The following MAGI1 variants were observed in gnomAD, a reference collection of about 807,000 sequenced individuals.
The protein encoded by MAGI1 is membrane associated guanylate kinase, WW and PDZ domain containing 1, also known as membrane-associated guanylate kinase, WW and PDZ domain-containing protein 1.
Under a neutral mutation model 139.9 loss-of-function variants are expected in MAGI1, and 58 were observed. The ratio of observed to expected loss-of-function variants is 0.41; its 90% CI spans 0.34 to 0.52. The LOEUF is 0.52. Among genes scored for constraint, MAGI1 ranks in the 20% least tolerant of loss-of-function variants. The pLI is 0.12. For synonymous variants in MAGI1, 812 were observed against 737.9 expected (o/e 1.10, Z -1.63); for missense variants, 1,874 against 1,901.6 (o/e 0.99, Z 0.27).
chr3:65,645,361 C>G (rs2085203746), intron 1 of MAGI1, among the ~76,000 whole-genome samples: 1 of 151,904 alleles, frequency 6.6e-6, no homozygotes, highest in African/African-American at 2.4e-5. Flanking sequence ...CATCAGAAAC[C>G]ATGGAAACCT....
intron 2 of MAGI1, among the ~76,000 whole-genome samples, chr3:65,547,037 A>C (rs1287998398): frequency 6.6e-6 from 1 of 152,228 alleles, no homozygotes; most frequent in East Asian, 1.9e-4. Context: ...ACTGCAGCTG[A>C]AGGAGTAATG....
chr3:65,734,532 A>AGAAAGAGAGC, intron 1 of MAGI1, among the ~76,000 whole-genome samples: 1 of 144,848 alleles, frequency 6.9e-6, no homozygotes, highest in Non-Finnish European at 1.5e-5. Flanking sequence ...AGAAAGAGAG[A>AGAAAGAGAGC]GGGGGAGAGA....
intron 1 of MAGI1, among the ~76,000 whole-genome samples, chr3:65,786,530 T>C (rs920360332): frequency 7.2e-5 from 11 of 151,838 alleles, no homozygotes; most frequent in Non-Finnish European, 1.5e-4. Context: ...CTTGAACTCC[T>C]GGGCTTAAGC....
intron 1 of MAGI1, among the ~76,000 whole-genome samples, chr3:65,852,091 AAACCAGGAAGAT>A (rs1447564855): frequency 6.6e-6 from 1 of 152,234 alleles, no homozygotes; most frequent in Non-Finnish European, 1.5e-5. Context: ...CAAACTTGTC[AAACCAGGAAGAT>A]ATCTGGTAGG....
At chr3:65,927,414 A>G (rs1186620655) in intron 1 of MAGI1, among the ~76,000 whole-genome samples, 1 of 152,194 alleles carries the variant, frequency 6.6e-6, no homozygotes, top group African/African-American at 2.4e-5. Context: ...TGACCTGCAA[A>G]GGGTCTGTCT....
intron 1 of MAGI1, among the ~76,000 whole-genome samples, chr3:65,634,603 T>G (rs2084495887): frequency 6.6e-6 from 1 of 152,204 alleles, no homozygotes; most frequent in African/African-American, 2.4e-5. Flanking sequence ...AAAAGGGCTG[T>G]GCAGCTTCAT....
intron 22 of MAGI1, 186 bp downstream of exon 22, chr3:65,361,013 A>T: frequency 6.8e-7 from 1 of 1,472,290 alleles, no homozygotes; most frequent in Non-Finnish European, 9.0e-7. Flanking sequence ...CAGTCCACGT[A>T]AGCAAGCAAA....
chr3:65,823,820 T>C (rs2042073448), intron 1 of MAGI1, among the ~76,000 whole-genome samples: 1 of 152,206 alleles, frequency 6.6e-6, no homozygotes, highest in Non-Finnish European at 1.5e-5. Context: ...CTGAGGATGC[T>C]TCGTGAACCT....
chr3:65,775,500 GC>G (rs1227547961), intron 1 of MAGI1, among the ~76,000 whole-genome samples: 2 of 32,548 alleles, frequency 6.1e-5, no homozygotes, highest in South Asian at 3.0e-3. Flanking sequence ...CACCCACTCT[GC>G]CAAAAAAAAA....
chr3:65,541,387 T>C (rs536927178), intron 2 of MAGI1, among the ~76,000 whole-genome samples: 18 of 152,098 alleles, frequency 1.2e-4, no homozygotes, highest in South Asian at 4.2e-4. Context: ...TTCCACACAA[T>C]AGAAAAAGAG....
intron 1 of MAGI1, among the ~76,000 whole-genome samples, chr3:65,769,934 A>G (rs931730760): frequency 1.3e-5 from 2 of 152,136 alleles, no homozygotes; most frequent in Admixed American, 6.6e-5. Flanking sequence ...AAAACCTCCA[A>G]CTAAAGTCAC....
At chr3:65,537,795 A>C (rs1325049053) in intron 2 of MAGI1, among the ~76,000 whole-genome samples, 1 of 152,158 alleles carries the variant, frequency 6.6e-6, no homozygotes, top group African/African-American at 2.4e-5. Flanking sequence ...AAAATTACAC[A>C]TTTAAAGAGA....
intron 1 of MAGI1, among the ~76,000 whole-genome samples, chr3:65,828,339 G>A (rs527768223): frequency 9.9e-5 from 15 of 152,114 alleles, no homozygotes; most frequent in Non-Finnish European, 8.8e-5. Flanking sequence ...GGAAGGAGAA[G>A]GTCTATCCCA....
At chr3:65,622,277 C>A (rs1320761387) in intron 1 of MAGI1, among the ~76,000 whole-genome samples, 189 bp from the exon 2 acceptor site, 1 of 152,142 alleles carries the variant, frequency 6.6e-6, no homozygotes, top group East Asian at 1.9e-4. Flanking sequence ...AAAGATAAAA[C>A]AGCACTGGCA....
At chr3:65,719,303 G>GTA (rs954953360) in intron 1 of MAGI1, among the ~76,000 whole-genome samples, 1 of 150,372 alleles carries the variant, frequency 6.7e-6, no homozygotes, top group Non-Finnish European at 1.5e-5. Flanking sequence ...GTGTGTGTGT[G>GTA]TATATACATA....
chr3:65,508,343 G>C (rs1165379444), intron 2 of MAGI1, among the ~76,000 whole-genome samples: 1 of 152,068 alleles, frequency 6.6e-6, no homozygotes, highest in African/African-American at 2.4e-5. Flanking sequence ...GGCGGAGCTT[G>C]CAGTGAGCCG....
At position 65,908,535 on chromosome 3, in the gene MAGI1, C is replaced by T. The variant is rs942240879; in HGVS notation, c.313+129461G>A. ...TCCTGACTTCGTGATCCACCCGCCT[C>T]GGCCTCCCAAAGTGCTGGGATTAGA... On this transcript the variant is annotated intron_variant, in intron 1 of 22. Coordinates refer to ENST00000402939, the MANE Select transcript of MAGI1 (RefSeq NM_001033057.2). Among the ~76,000 whole-genome samples, 5 of 152,314 alleles carry T rather than the reference C, an allele frequency of 3.3e-5. No homozygotes were observed. In the East Asian group the frequency reaches 5.8e-4, roughly 18 times the overall value.
chr3:65,593,512 G>T (rs896044146), intron 2 of MAGI1, among the ~76,000 whole-genome samples: 1 of 151,842 alleles, frequency 6.6e-6, no homozygotes, highest in Non-Finnish European at 1.5e-5. Flanking sequence ...TAGAATATAG[G>T]ATAAACTATC....
At chr3:65,631,061 G>A (rs2084272895) in intron 1 of MAGI1, among the ~76,000 whole-genome samples, 1 of 152,202 alleles carries the variant, frequency 6.6e-6, no homozygotes, top group Non-Finnish European at 1.5e-5. Context: ...ATGTGTAGAG[G>A]TGGAAGTCAG....
Sources: gnomAD v4.1 joint callset for allele counts (sites outside exome capture counted in the v4.1 genomes callset) on GRCh38, gnomAD v4.1.1 for gene constraint, MANE v1.5 for transcripts, NCBI Gene and HGNC (gene_info 2026-07-23, HGNC 2026-07-21) for gene names.